Variants in CDK13 observed in about 807,000 individuals in gnomAD.
The protein encoded by CDK13 is cyclin-dependent kinase 13.
In CDK13, 40 loss-of-function variants were observed where a neutral mutation model predicts 137.6. The ratio of observed to expected loss-of-function variants is 0.29; its 90% CI spans 0.23 to 0.38. CDK13 has a LOEUF of 0.38. CDK13 is among the 10% of genes least tolerant of loss of function. The probability of loss-of-function intolerance (pLI) is 1.00; values close to 1 mark genes in which losing one functional copy is unlikely to be tolerated. For synonymous variants in CDK13, 869 were observed against 760.1 expected (o/e 1.14, Z -2.36); for missense variants, 1,704 against 1,951.8 (o/e 0.87, Z 2.39).
At chr7:40,083,067 C>T (rs964332394) in intron 11 of CDK13, among the ~76,000 whole-genome samples, 7 of 147,676 alleles carry the variant, frequency 4.7e-5, no homozygotes, top group African/African-American at 1.5e-4. Flanking sequence ...CGCGCCACTG[C>T]GCTCCAGCTT....
At position 39,999,374 on chromosome 7, in the gene CDK13, C is replaced by T. The variant is rs2116317456; in HGVS notation, c.2056C>T (p.Arg686Cys). Reference sequence around the variant, plus strand: ...TATATTTGATAGAATATGTGGGCCTCGCTATGGTGAAACCAAAGAAAAAGA... The same window carrying T: ...TATATTTGATAGAATATGTGGGCCTTGCTATGGTGAAACCAAAGAAAAAGA... ...SKRRPKICGPRYGETKEKDID... is the reference protein window; with the variant it reads ...SKRRPKICGPCYGETKEKDID... The change falls in exon 4 of 14, where the codon CGC becomes TGC. Residue 686 changes from arginine to cysteine, a missense_variant. Arg to Cys is a radical substitution (Grantham distance 180). Coordinates refer to ENST00000181839, the MANE Select transcript of CDK13 (RefSeq NM_003718.5). The T allele has an allele frequency of 2.5e-6, 4 of 1,610,248 alleles. No individual in the cohort carries two copies. The highest frequency in any genetic ancestry group is 1.1e-5 in the South Asian group (1 of 90,408).
chr7:39,955,056 T>C (rs754793097), intron 1 of CDK13, among the ~76,000 whole-genome samples: 4 of 152,232 alleles, frequency 2.6e-5, no homozygotes, highest in Non-Finnish European at 4.4e-5. Context: ...CCTCTTAGCT[T>C]TACTTTTTCC....
At chr7:40,022,468 A>G (rs1785147544) in intron 5 of CDK13, among the ~76,000 whole-genome samples, 1 of 152,138 alleles carries the variant, frequency 6.6e-6, no homozygotes. Context: ...TGGGGTAAAT[A>G]GAAATGTTGA....
intron 7 of CDK13, among the ~76,000 whole-genome samples, chr7:40,050,275 T>C (rs1245810930): frequency 1.3e-5 from 2 of 152,242 alleles, no homozygotes; most frequent in East Asian, 3.8e-4. Flanking sequence ...TTTTTTATTC[T>C]TTCTGTCATA....
chr7:39,992,946 G>C (rs998235148), intron 2 of CDK13, among the ~76,000 whole-genome samples: 12 of 152,144 alleles, frequency 7.9e-5, no homozygotes, highest in Admixed American at 4.6e-4. Flanking sequence ...TACTCTACTA[G>C]TAGTGATGTG....
chr7:40,008,653 G>T (rs757586766), intron 5 of CDK13, among the ~76,000 whole-genome samples: 1 of 152,170 alleles, frequency 6.6e-6, no homozygotes, highest in Non-Finnish European at 1.5e-5. Flanking sequence ...TAAGGAGTCT[G>T]TTCTTAGCAA....
chr7:40,023,284 T>A (rs1217559806), intron 5 of CDK13, among the ~76,000 whole-genome samples: 1 of 151,876 alleles, frequency 6.6e-6, no homozygotes, highest in African/African-American at 2.4e-5. Flanking sequence ...GTAGAGGAGA[T>A]GAACTCCTGG....
chr7:39,986,428 A>C (rs570592286), intron 1 of CDK13: 1 of 152,286 alleles, frequency 6.6e-6, no homozygotes, highest in African/African-American at 2.4e-5. Context: ...GTAGTTTCCA[A>C]GATTTAGTTT....
chr7:39,950,889 C>T lies in CDK13; in HGVS notation c.248C>T (p.Pro83Leu), dbSNP rs954023481. The T allele has an allele frequency of 1.5e-6, 2 of 1,351,806 alleles. No individual in the cohort carries two copies. Among genetic ancestry groups the T allele is most frequent in the Admixed American group, 4.1e-5 (1 of 24,494 alleles). 83.7% of individuals were successfully genotyped at this position (1,351,806 alleles called of 1,614,324 possible). Residue 83 changes from proline to leucine, a missense_variant, in exon 1 of 14, where the codon CCG becomes CTG. Transcript: ENST00000181839. ...GCGGCCTCCTCCTCTTGCTTCAGCC[C>T]GGGCCCCCCTCTGGAGGTCAAGCGG... is the stretch of plus-strand genomic sequence containing the variant. ...AAAASSSCFS[P>L]GPPLEVKRLA...
At chr7:40,053,063 C>A (rs1181806390) in intron 7 of CDK13, among the ~76,000 whole-genome samples, 1 of 152,106 alleles carries the variant, frequency 6.6e-6, no homozygotes, top group Non-Finnish European at 1.5e-5. Flanking sequence ...ACTGTAAGAT[C>A]AAGATTAAAT....
chr7:40,020,021 G>A (rs1159554078), intron 5 of CDK13, among the ~76,000 whole-genome samples: 1 of 152,038 alleles, frequency 6.6e-6, no homozygotes, highest in Non-Finnish European at 1.5e-5. Flanking sequence ...AAGTGAATTG[G>A]AATTTTACAA....
At chr7:40,000,958 A>G (rs1174444483) in intron 4 of CDK13, among the ~76,000 whole-genome samples, 1 of 152,174 alleles carries the variant, frequency 6.6e-6, no homozygotes, top group Non-Finnish European at 1.5e-5. Flanking sequence ...TACTTAAATT[A>G]TGTGGCAATT....
At chr7:40,043,792 TA>T (rs1785668830) in intron 5 of CDK13, among the ~76,000 whole-genome samples, 1 of 150,828 alleles carries the variant, frequency 6.6e-6, no homozygotes, top group African/African-American at 2.4e-5. Flanking sequence ...GGTGCCACTG[TA>T]CTCCAGTCTG....
chr7:39,963,788 A>AACT (rs1312008364), intron 1 of CDK13, among the ~76,000 whole-genome samples: 2 of 2,864 alleles, frequency 7.0e-4, no homozygotes, highest in Non-Finnish European at 1.6e-3. Context: ...ATTTTGAGAT[A>AACT]CGTCCATCAA....
chr7:39,967,882 T>C (rs1374197939), intron 1 of CDK13, among the ~76,000 whole-genome samples: 2 of 151,184 alleles, frequency 1.3e-5, no homozygotes, highest in African/African-American at 2.4e-5. Flanking sequence ...TGGCCATTTG[T>C]ATGTCCTTTT....
rs367665316 is a variant in CDK13, at chr7:39,964,248, C to T, written c.1211+12396C>T. Reference sequence around the variant, plus strand: ...AATTCAGCTGTGAATCCATGTGGTCCTGGACTTTTTTTGGTTGGTAAGCTA... The same window carrying T: ...AATTCAGCTGTGAATCCATGTGGTCTTGGACTTTTTTTGGTTGGTAAGCTA... On this transcript the variant is annotated intron_variant, in intron 1 of 13. Transcript: ENST00000181839. Among the ~76,000 whole-genome samples the T allele has an allele frequency of 3.9e-4, 59 of 152,234 alleles. 1 individual carries two copies. The South Asian group carries it at 0.012, about 31-fold the overall frequency.
At chr7:40,042,589 CCA>C (rs1785635308) in intron 5 of CDK13, among the ~76,000 whole-genome samples, 1 of 150,348 alleles carries the variant, frequency 6.7e-6, no homozygotes, top group Non-Finnish European at 1.5e-5. Flanking sequence ...GGTGATCCTC[CCA>C]CCTCAGCCTC....
chr7:40,003,342 T>C (rs1784734715), intron 5 of CDK13, among the ~76,000 whole-genome samples: 2 of 152,198 alleles, frequency 1.3e-5, no homozygotes, highest in Admixed American at 1.3e-4. Flanking sequence ...TTAATTGATG[T>C]CACTTCTGTT....
chr7:40,034,356 G>T (rs1399175173), intron 5 of CDK13, among the ~76,000 whole-genome samples: 1 of 152,136 alleles, frequency 6.6e-6, no homozygotes, highest in East Asian at 1.9e-4. Flanking sequence ...ACGAAGAGTT[G>T]TTGCTTTTCA....
Sources: gnomAD v4.1 joint callset for allele counts (sites outside exome capture counted in the v4.1 genomes callset) on GRCh38, gnomAD v4.1.1 for gene constraint, MANE v1.5 for transcripts, NCBI Gene and HGNC (gene_info 2026-07-23, HGNC 2026-07-21) for gene names.